The following RCAN2 variants were observed in gnomAD, a reference collection of about 807,000 sequenced individuals.
RCAN2 encodes the protein regulator of calcineurin 2, also known as calcipressin-2.
In RCAN2, 9 loss-of-function variants were observed where a neutral mutation model predicts 23.6. The observed-to-expected ratio is 0.38, with a 90% CI of 0.23 to 0.67. RCAN2 has a LOEUF of 0.67. Ranked by LOEUF, RCAN2 falls within the 30% of genes least tolerant of loss-of-function variation. The probability of loss-of-function intolerance (pLI) is 0.51; values close to 1 mark genes in which losing one functional copy is unlikely to be tolerated. For synonymous variants in RCAN2, 109 were observed against 115.7 expected, an observed-to-expected ratio of 0.94 and a Z score of 0.37; for missense variants, 273 against 302.3, an observed-to-expected ratio of 0.90 and a Z score of 0.72.
At chr6:46,296,236 A>G (rs1762726930) in intron 2 of RCAN2, among the ~76,000 whole-genome samples, 1 of 142,676 alleles carries the variant, frequency 7.0e-6, no homozygotes, top group African/African-American at 3.0e-5. Flanking sequence ...TGGTTTACAC[A>G]TGTAGTCCAG....
rs551574378 is a variant in RCAN2, at chr6:46,448,571, A to C, written c.225+8181T>G. ...TATCCCTAATGAACACAGATACAAA[A>C]ATCATCCACAAAATACCTGTAAACC... is the stretch of plus-strand genomic sequence containing the variant. On this transcript the variant is annotated intron_variant, in intron 2 of 4. Coordinates refer to ENST00000371374, the MANE Select transcript of RCAN2 (RefSeq NM_001251974.2). Among the ~76,000 whole-genome samples, 256 of 152,048 alleles carry C rather than the reference A, an allele frequency of 1.7e-3. 1 individual carries two copies. The highest frequency in any genetic ancestry group is 5.8e-3 in the African/African-American group (241 of 41,562).
rs562544988 is a variant in RCAN2, at chr6:46,460,005, A to G, written c.-2-3027T>C. On this transcript the variant is annotated intron_variant, in intron 1 of 4. Coordinates refer to ENST00000371374, the MANE Select transcript of RCAN2 (RefSeq NM_001251974.2). ...AGAGAACTTCCCAATAAAGAAGTAT[A>G]AAGGTCCCACAGCTCAAGTTAACTG... Among the ~76,000 whole-genome samples the G allele has an allele frequency of 2.0e-5, 3 of 152,200 alleles. 1 individual carries two copies. The East Asian group carries it at 5.8e-4, about 29-fold the overall frequency.
chr6:46,331,907 A>T (rs577423294), intron 2 of RCAN2, among the ~76,000 whole-genome samples: 4 of 152,348 alleles, frequency 2.6e-5, no homozygotes, highest in African/African-American at 9.6e-5. Context: ...TCTTACCAGC[A>T]ACATAATTGG....
chr6:46,417,242 A>C (rs967350593), intron 2 of RCAN2, among the ~76,000 whole-genome samples: 2 of 152,206 alleles, frequency 1.3e-5, no homozygotes, highest in African/African-American at 4.8e-5. Context: ...TTCATGAAGG[A>C]TTCACTACAT....
At chr6:46,264,462 A>C (rs552331312) in intron 2 of RCAN2, among the ~76,000 whole-genome samples, 7 of 152,186 alleles carry the variant, frequency 4.6e-5, no homozygotes, top group African/African-American at 1.7e-4. Context: ...TATACTCCTA[A>C]TCTCTTTTCC....
At chr6:46,448,482 G>A (rs1156491227) in intron 2 of RCAN2, among the ~76,000 whole-genome samples, 1 of 151,776 alleles carries the variant, frequency 6.6e-6, no homozygotes, top group Non-Finnish European at 1.5e-5. Flanking sequence ...ATTTTACAAA[G>A]TCAGTATTAC....
chr6:46,317,821 G>C (rs1190410463), intron 2 of RCAN2, among the ~76,000 whole-genome samples: 2 of 152,204 alleles, frequency 1.3e-5, no homozygotes, highest in South Asian at 2.1e-4. Flanking sequence ...GATTTCGATA[G>C]TGGAAAGAAC....
At chr6:46,323,274 T>C (rs545473709) in intron 2 of RCAN2, among the ~76,000 whole-genome samples, 6 of 152,244 alleles carry the variant, frequency 3.9e-5, no homozygotes, top group Admixed American at 2.6e-4. Flanking sequence ...GGCACTGTGT[T>C]AATTATTCTA....
chr6:46,366,165 A>G (rs1765165762), intron 2 of RCAN2, among the ~76,000 whole-genome samples: 1 of 152,118 alleles, frequency 6.6e-6, no homozygotes. Context: ...TTACTTCTCA[A>G]TTTGTACCTT....
chr6:46,415,699 T>TA (rs955167667), intron 2 of RCAN2, among the ~76,000 whole-genome samples: 5 of 151,642 alleles, frequency 3.3e-5, no homozygotes, highest in African/African-American at 7.3e-5. Context: ...CAATGACTTT[T>TA]AAAAAAAAAT....
chr6:46,437,920 G>C (rs1446254111), intron 2 of RCAN2, among the ~76,000 whole-genome samples: 1 of 152,194 alleles, frequency 6.6e-6, no homozygotes, highest in Non-Finnish European at 1.5e-5. Context: ...AAATAAGCAA[G>C]CTCACAGGTC....
At chr6:46,325,591 G>A (rs2277121) in intron 2 of RCAN2, 1,159,335 of 1,474,430 alleles carry the variant, frequency 0.79, 463,611 homozygotes, top group Non-Finnish European at 0.82. Flanking sequence ...CCTTGCTCTG[G>A]GGACGGCTGG....
chr6:46,297,096 C>G (rs1290832432), intron 2 of RCAN2, among the ~76,000 whole-genome samples: 1 of 152,158 alleles, frequency 6.6e-6, no homozygotes, highest in African/African-American at 2.4e-5. Context: ...CTCCGTACTA[C>G]TTATAGTGTC....
intron 2 of RCAN2, among the ~76,000 whole-genome samples, chr6:46,349,526 A>G (rs1468019560): frequency 6.6e-6 from 1 of 152,008 alleles, no homozygotes; most frequent in Non-Finnish European, 1.5e-5. Context: ...ACGTATTTCT[A>G]TGTAACAAAC....
intron 2 of RCAN2, among the ~76,000 whole-genome samples, chr6:46,390,724 C>T (rs915334948): frequency 6.6e-6 from 1 of 152,214 alleles, no homozygotes; most frequent in Admixed American, 6.5e-5. Context: ...AATAACTTCA[C>T]GTAGAGAACC....
intron 1 of RCAN2, among the ~76,000 whole-genome samples, chr6:46,489,018 G>T (rs957768702): frequency 2.6e-5 from 4 of 152,166 alleles, no homozygotes; most frequent in East Asian, 1.9e-4. Flanking sequence ...GGGCCACATG[G>T]TTTCTCCTCC....
intron 2 of RCAN2, among the ~76,000 whole-genome samples, chr6:46,357,297 C>T (rs368234470): frequency 6.6e-6 from 1 of 152,012 alleles, no homozygotes; most frequent in Non-Finnish European, 1.5e-5. Flanking sequence ...TAATCAGACC[C>T]GATAGAAGTG....
chr6:46,345,992 G>C (rs533828103), intron 2 of RCAN2, among the ~76,000 whole-genome samples: 1 of 151,972 alleles, frequency 6.6e-6, no homozygotes, highest in Non-Finnish European at 1.5e-5. Flanking sequence ...AAAGCTCTTT[G>C]GAGTCTTCAA....
chr6:46,223,384 A>G (rs1423800383), intron 4 of RCAN2, 83 bp from the exon 5 acceptor site: 2 of 1,328,284 alleles, frequency 1.5e-6, no homozygotes, highest in Non-Finnish European at 1.1e-6. Flanking sequence ...AGGAAATGAC[A>G]GGAGCATTTT....
Sources: gnomAD v4.1 joint callset for allele counts (sites outside exome capture counted in the v4.1 genomes callset) on GRCh38, gnomAD v4.1.1 for gene constraint, MANE v1.5 for transcripts, NCBI Gene and HGNC (gene_info 2026-07-23, HGNC 2026-07-21) for gene names.